HDAC5: variants seen among roughly 807,000 people sequenced by gnomAD.
HDAC5 encodes the protein antigen NY-CO-9.
HDAC5 carries 25 observed loss-of-function variants against 133.3 expected under a neutral mutation model. The ratio of observed to expected loss-of-function variants is 0.19; its 90% CI spans 0.14 to 0.26. The LOEUF is 0.26. Among genes scored for constraint, HDAC5 ranks in the 10% least tolerant of loss-of-function variants. The pLI, the probability that HDAC5 is intolerant of heterozygous loss-of-function variation, is 1.00. For synonymous variants in HDAC5, 589 were observed against 610.8 expected, an observed-to-expected ratio of 0.96 and a Z score of 0.53; for missense variants, 1,041 against 1,460.5, an observed-to-expected ratio of 0.71 and a Z score of 4.68.
At chr17:44,111,345 G>A (rs905986967) in intron 2 of HDAC5, 8 of 323,808 alleles carry the variant, frequency 2.5e-5, no homozygotes, top group Non-Finnish European at 3.7e-5. Flanking sequence ...GAGGCCCCAT[G>A]GGGGGGGAGG....
chr17:44,085,226 T>G, intron 14 of HDAC5, 71 bp from the exon 15 acceptor site: 1 of 1,421,646 alleles, frequency 7.0e-7, no homozygotes, highest in Non-Finnish European at 9.4e-7. Context: ...ACCATGATCC[T>G]CAGCAGGGCT....
chr17:44,082,321 T>C (rs1054238703), intron 20 of HDAC5: 4 of 529,458 alleles, frequency 7.6e-6, no homozygotes, highest in Non-Finnish European at 1.0e-5. Flanking sequence ...GGAAATCCCC[T>C]TCGTTGCTTG....
chr17:44,101,798 C>T (rs1404944795), intron 3 of HDAC5, among the ~76,000 whole-genome samples: 1 of 152,018 alleles, frequency 6.6e-6, no homozygotes, highest in African/African-American at 2.4e-5. Flanking sequence ...TGCAGTCTGG[C>T]TCCCATGTGG....
chr17:44,084,892 G>A (rs2050576463), intron 15 of HDAC5, 130 bp downstream of exon 15: 5 of 1,321,844 alleles, frequency 3.8e-6, no homozygotes, highest in Admixed American at 4.0e-5. Context: ...GGAACGGGGT[G>A]GTGGGAGAAC....
intron 1 of HDAC5, among the ~76,000 whole-genome samples, chr17:44,122,984 C>T (rs2053103775): frequency 6.6e-6 from 1 of 152,134 alleles, no homozygotes; most frequent in African/African-American, 2.4e-5. Context: ...CTCCGCAGTC[C>T]CCCTCCTCAT....
At chr17:44,090,532 G>A (rs1215314292) in intron 11 of HDAC5, among the ~76,000 whole-genome samples, 3 of 150,820 alleles carry the variant, frequency 2.0e-5, no homozygotes, top group South Asian at 2.1e-4. Context: ...CCGCCACCAC[G>A]CCCAGCTAAT....
In HDAC5 at chr17:44,099,407, G is replaced by A. The variant is rs543334119; in HGVS notation, c.95-5573C>T. Among the ~76,000 whole-genome samples the A allele has an allele frequency of 3.3e-5, 5 of 152,154 alleles. No individual in the cohort carries two copies. In the South Asian group the frequency reaches 1.0e-3, roughly 32 times the overall value. On this transcript the variant is annotated intron_variant, in intron 3 of 26. Transcript: ENST00000682912. ...CTGACCTCTGGTTTTCTGCAGGGCTGACCACCCTGCCTCCATGGGAAGTCC... is the reference window on the plus strand; with the variant it reads ...CTGACCTCTGGTTTTCTGCAGGGCTAACCACCCTGCCTCCATGGGAAGTCC...
chr17:44,113,798 G>T lies in HDAC5; in HGVS notation c.23-2998C>A, dbSNP rs183596843. On this transcript the variant is annotated intron_variant, in intron 2 of 26. Coordinates refer to ENST00000682912, the MANE Select transcript of HDAC5 (RefSeq NM_005474.5). ...TCCATTTCCTGAGCCCAAAGGCTGTGGGGATGGGGGGACCTTGACCAAAGG... is the reference window on the plus strand; with the variant it reads ...TCCATTTCCTGAGCCCAAAGGCTGTTGGGATGGGGGGACCTTGACCAAAGG... Among the ~76,000 whole-genome samples, 3 of 152,336 alleles carry T rather than the reference G, an allele frequency of 2.0e-5. No individual in the cohort carries two copies. In the East Asian group the frequency reaches 5.8e-4, roughly 29 times the overall value.
intron 2 of HDAC5, among the ~76,000 whole-genome samples, chr17:44,112,132 C>A (rs1334392282): frequency 2.0e-5 from 3 of 152,264 alleles, no homozygotes; most frequent in East Asian, 1.9e-4. Flanking sequence ...CCACCACACT[C>A]CACTGCCTCC....
chr17:44,122,062 G>A (rs1239534599), intron 1 of HDAC5, among the ~76,000 whole-genome samples: 3 of 152,120 alleles, frequency 2.0e-5, no homozygotes, highest in Non-Finnish European at 2.9e-5. Flanking sequence ...ATCTCCCCAA[G>A]CTTTGTGTTT....
intron 3 of HDAC5, among the ~76,000 whole-genome samples, chr17:44,097,854 G>T (rs2051365317): frequency 6.6e-6 from 1 of 152,234 alleles, no homozygotes; most frequent in Admixed American, 6.5e-5. Context: ...AGAGCACATG[G>T]GCTCAGGCAA....
chr17:44,122,423 A>C (rs1172317224), intron 1 of HDAC5, among the ~76,000 whole-genome samples: 1 of 151,908 alleles, frequency 6.6e-6, no homozygotes, highest in Non-Finnish European at 1.5e-5. Context: ...TGGACACTGA[A>C]ACCAATCACC....
At chr17:44,088,258 C>T (rs1220665200) in intron 12 of HDAC5, 129 bp downstream of exon 12, 5 of 1,397,694 alleles carry the variant, frequency 3.6e-6, no homozygotes, top group Non-Finnish European at 4.7e-6. Flanking sequence ...GGCGATCTGC[C>T]CACCTCGGCC....
At chr17:44,109,040 G>C (rs2052172937) in intron 3 of HDAC5, among the ~76,000 whole-genome samples, 1 of 152,154 alleles carries the variant, frequency 6.6e-6, no homozygotes, top group Non-Finnish European at 1.5e-5. Flanking sequence ...GGAGATGAGA[G>C]AGCAGGGTCC....
rs766434600 is a variant in HDAC5 at position 44,078,329 on chromosome 17, TAAAC to T, written c.*43_*46del. The T allele has an allele frequency of 9.5e-5, 143 of 1,497,832 alleles. No homozygotes were observed. The highest frequency in any genetic ancestry group is 6.0e-4 in the South Asian group (43 of 71,414). 92.8% of individuals were successfully genotyped at this position (1,497,832 alleles called of 1,614,324 possible). ...GACTTTTTGTTTTTAATAGAAAAAA[TAAAC>T]AAAATCACAATGGTGAAGCCCAGAG... On this transcript the variant is annotated 3_prime_UTR_variant, in exon 27 of 27. Coordinates refer to ENST00000682912, the MANE Select transcript of HDAC5 (RefSeq NM_005474.5).
chr17:44,097,635 T>C (rs1245668497), intron 3 of HDAC5, among the ~76,000 whole-genome samples: 2 of 152,268 alleles, frequency 1.3e-5, no homozygotes, highest in Non-Finnish European at 2.9e-5. Flanking sequence ...CAAGCTTGGC[T>C]TGGCCCGTGG....
At chr17:44,090,968 C>T (rs533512181) in intron 11 of HDAC5, among the ~76,000 whole-genome samples, 20 of 152,298 alleles carry the variant, frequency 1.3e-4, no homozygotes, top group African/African-American at 4.3e-4. Flanking sequence ...GGATTTCAGG[C>T]GTGATCCACC....
chr17:44,104,278 T>A (rs1476699737), intron 3 of HDAC5, among the ~76,000 whole-genome samples: 33 of 151,852 alleles, frequency 2.2e-4, no homozygotes, highest in Non-Finnish European at 1.5e-5. Context: ...CACTCCAGCC[T>A]GGGCAACAGA....
intron 16 of HDAC5, among the ~76,000 whole-genome samples, chr17:44,084,286 A>T (rs1474200678): frequency 1.3e-5 from 2 of 152,122 alleles, no homozygotes; most frequent in African/African-American, 4.8e-5. Context: ...GGTGGCAGGG[A>T]GAGAGGAGCA....
Sources: gnomAD v4.1 joint callset for allele counts (sites outside exome capture counted in the v4.1 genomes callset) on GRCh38, gnomAD v4.1.1 for gene constraint, MANE v1.5 for transcripts, NCBI Gene and HGNC (gene_info 2026-07-23, HGNC 2026-07-21) for gene names.